The following SF3B1 variants were observed in gnomAD, a reference collection of about 807,000 sequenced individuals.
SF3B1 encodes pre-mRNA processing 10.
In SF3B1, 12 loss-of-function variants were observed where a neutral mutation model predicts 153.8. The ratio of observed to expected loss-of-function variants is 0.08; its 90% CI spans 0.05 to 0.13. The LOEUF is 0.13. SF3B1 is among the 10% of genes least tolerant of loss of function. The pLI is 1.00. For missense variants in SF3B1, 513 were observed against 1,606.1 expected (o/e 0.32, Z 11.63); for synonymous variants, 498 against 525.2 (o/e 0.95, Z 0.71).
intron 23 of SF3B1, among the ~76,000 whole-genome samples, chr2:197,395,079 A>C (rs1393549642): frequency 2.0e-5 from 3 of 152,204 alleles, no homozygotes; most frequent in African/African-American, 7.2e-5. Flanking sequence ...TTCCAACTGA[A>C]GTATTCTTTT....
chr2:197,428,799 G>C (rs1480308844), intron 1 of SF3B1, among the ~76,000 whole-genome samples: 1 of 152,114 alleles, frequency 6.6e-6, no homozygotes, highest in Non-Finnish European at 1.5e-5. Flanking sequence ...GAAGGCTGAG[G>C]CATGAGAATC....
intron 23 of SF3B1, among the ~76,000 whole-genome samples, chr2:197,394,012 C>G (rs1003098531): frequency 6.6e-6 from 1 of 151,840 alleles, no homozygotes; most frequent in African/African-American, 2.4e-5. Flanking sequence ...GGTGAAACCC[C>G]GTCTCTACTA....
intron 1 of SF3B1, among the ~76,000 whole-genome samples, chr2:197,429,765 C>A (rs552185380): frequency 6.7e-6 from 1 of 148,668 alleles, no homozygotes; most frequent in Admixed American, 6.8e-5. Flanking sequence ...GCCTGGACAA[C>A]AGAGCAAGAC....
At chr2:197,407,151 GA>G (rs1169579463) in intron 9 of SF3B1, among the ~76,000 whole-genome samples, 1 of 152,110 alleles carries the variant, frequency 6.6e-6, no homozygotes, top group Non-Finnish European at 1.5e-5. Context: ...GTCATTAACA[GA>G]AAAAGCTCTG....
chr2:197,413,877 T>C (rs1394035086), intron 6 of SF3B1, among the ~76,000 whole-genome samples: 3 of 151,902 alleles, frequency 2.0e-5, no homozygotes, highest in African/African-American at 7.3e-5. Flanking sequence ...CACGATCTCC[T>C]CTCACTGCAA....
chr2:197,410,761 C>T (rs1030132622), intron 6 of SF3B1, among the ~76,000 whole-genome samples: 1 of 152,138 alleles, frequency 6.6e-6, no homozygotes, highest in African/African-American at 2.4e-5. Context: ...ACCTTGGCCT[C>T]CCAAAGTGCT....
chr2:197,413,263 T>C (rs1459077478), intron 6 of SF3B1, among the ~76,000 whole-genome samples: 1 of 152,028 alleles, frequency 6.6e-6, no homozygotes, highest in Non-Finnish European at 1.5e-5. Flanking sequence ...TAGCTGGGCG[T>C]GATGGCACAT....
chr2:197,415,169 T>C (rs1289358537), intron 6 of SF3B1, among the ~76,000 whole-genome samples: 1 of 149,210 alleles, frequency 6.7e-6, no homozygotes, highest in Non-Finnish European at 1.5e-5. Flanking sequence ...GATAATCTAG[T>C]ATGGAGAAAA....
At chr2:197,396,765 T>C (rs2084879147) in intron 22 of SF3B1, among the ~76,000 whole-genome samples, 1 of 152,218 alleles carries the variant, frequency 6.6e-6, no homozygotes, top group Non-Finnish European at 1.5e-5. Flanking sequence ...AAAATCTCTT[T>C]TCCTTTTATC....
intron 1 of SF3B1, among the ~76,000 whole-genome samples, chr2:197,427,107 A>G (rs2085347695): frequency 6.6e-6 from 1 of 152,210 alleles, no homozygotes; most frequent in African/African-American, 2.4e-5. Context: ...CCAATTACAA[A>G]GGTTCATAAA....
At chr2:197,418,780 C>T in intron 4 of SF3B1, 192 bp from the exon 5 acceptor site, 1 of 1,470,052 alleles carries the variant, frequency 6.8e-7, no homozygotes, top group African/African-American at 1.4e-5. Context: ...TGTTTGAACA[C>T]AAACATCTAC....
intron 22 of SF3B1, among the ~76,000 whole-genome samples, chr2:197,396,651 A>C (rs960756062): frequency 1.3e-5 from 2 of 152,158 alleles, no homozygotes; most frequent in Admixed American, 1.3e-4. Flanking sequence ...ATTTAACTAA[A>C]TGTTTAAAGT....
At chr2:197,406,838 C>A (rs1380217106) in intron 9 of SF3B1, among the ~76,000 whole-genome samples, 4 of 152,150 alleles carry the variant, frequency 2.6e-5, no homozygotes, top group Non-Finnish European at 4.4e-5. Context: ...TGCCTATAAT[C>A]CCCAGCAGTG....
At chr2:197,418,684 T>C in intron 4 of SF3B1, 96 bp from the exon 5 acceptor site, 1 of 1,476,520 alleles carries the variant, frequency 6.8e-7, no homozygotes. Flanking sequence ...ATTATGTTAT[T>C]CCATAATCAT....
chr2:197,394,002 G>A (rs2084845684), intron 23 of SF3B1, among the ~76,000 whole-genome samples: 1 of 151,958 alleles, frequency 6.6e-6, no homozygotes, highest in Admixed American at 6.6e-5. Flanking sequence ...TGGCCAGCGT[G>A]GTGAAACCCC....
At chr2:197,421,904 T>G (rs765618800) in intron 2 of SF3B1, among the ~76,000 whole-genome samples, 1 of 152,056 alleles carries the variant, frequency 6.6e-6, no homozygotes, top group Admixed American at 6.6e-5. Context: ...TTGCTTGATC[T>G]CGGGAGGCGA....
intron 6 of SF3B1, among the ~76,000 whole-genome samples, chr2:197,414,487 G>A (rs2085118359): frequency 6.6e-6 from 1 of 152,144 alleles, no homozygotes; most frequent in African/African-American, 2.4e-5. Flanking sequence ...TTGAGGGGAA[G>A]CAAGAAAGAC....
intron 11 of SF3B1, 120 bp downstream of exon 11, chr2:197,404,956 G>A: frequency 1.6e-6 from 1 of 639,588 alleles, no homozygotes; most frequent in Non-Finnish European, 2.7e-6. Flanking sequence ...GCCAAAGCAG[G>A]AGGATCACTT....
At position 197,401,823 on chromosome 2, in the gene SF3B1, G is replaced by A. The variant is rs2105984405; in HGVS notation, c.2289C>T (p.Asn763=). ...TTAACATCACTTCTCTAGTATAGTA[G>A]TTGGCATATTCTGCATCCATAAGAG... ...LIPLMDAEYA[N]YYTREVMLIL... is the part of the protein sequence containing the mutation. Residue 763 remains asparagine, a synonymous_variant, in exon 16 of 25, where the codon AAC becomes AAT. Coordinates refer to ENST00000335508, the MANE Select transcript of SF3B1 (RefSeq NM_012433.4). The surrounding 1 kb of genome is among the most constrained non-coding windows in gnomAD (Gnocchi z 4.2). 6.2e-7 allele frequency: 1 copy of A among 1,612,170 alleles called. No homozygotes were observed. Among genetic ancestry groups the A allele is most frequent in the Non-Finnish European group, 8.5e-7 (1 of 1,178,948 alleles).
Sources: allele counts gnomAD v4.1 joint callset (sites outside exome capture counted in the v4.1 genomes callset), GRCh38; gene constraint gnomAD v4.1.1; non-coding constraint Gnocchi (gnomAD v3.1); transcripts MANE v1.5; gene names NCBI Gene and HGNC (gene_info 2026-07-23, HGNC 2026-07-21).